Variants in PTK7 observed in about 807,000 individuals in gnomAD.
PTK7 encodes inactive tyrosine-protein kinase 7.
A neutral mutation model predicts 116.6 loss-of-function variants in PTK7; 39 were observed. The ratio of observed to expected loss-of-function variants is 0.33; its 90% CI spans 0.26 to 0.44. The LOEUF (loss-of-function observed/expected upper bound fraction) is 0.44, where lower values mean the gene tolerates loss of function less well. Ranked by LOEUF, PTK7 falls within the 20% of genes least tolerant of loss-of-function variation. The probability of loss-of-function intolerance (pLI) is 1.00; values close to 1 mark genes in which losing one functional copy is unlikely to be tolerated. For missense variants in PTK7, 1,169 were observed against 1,425.6 expected (o/e 0.82, Z 2.90); for synonymous variants, 546 against 563.6 (o/e 0.97, Z 0.44).
intron 10 of PTK7, among the ~76,000 whole-genome samples, chr6:43,140,536 C>T (rs1770337560): frequency 6.6e-6 from 1 of 151,226 alleles, no homozygotes; most frequent in Non-Finnish European, 1.5e-5. Context: ...TTTTTCTGTG[C>T]ATATGTTTTT....
chr6:43,082,163 G>A lies in PTK7; in HGVS notation c.79+5596G>A, dbSNP rs571590487. On this transcript the variant is annotated intron_variant, in intron 1 of 19. Coordinates refer to ENST00000230419, the MANE Select transcript of PTK7 (RefSeq NM_002821.5). ...ATTCCTGGGAGCATGAATCAGAATC[G>A]CAATCTGCAATTTATTTATTTATTC... 5.9e-5 allele frequency among the ~76,000 whole-genome samples: 9 copies of A among 152,106 alleles called. No homozygotes were observed. The South Asian group carries it at 1.5e-3, about 25-fold the overall frequency.
At chr6:43,152,951 A>G (rs937027180) in intron 17 of PTK7, among the ~76,000 whole-genome samples, 2 of 150,546 alleles carry the variant, frequency 1.3e-5, no homozygotes, top group African/African-American at 4.9e-5. Flanking sequence ...ACACCTGGCT[A>G]ATTTTTGTAT....
intron 1 of PTK7, among the ~76,000 whole-genome samples, chr6:43,078,274 T>G (rs765908691): frequency 5.6e-5 from 8 of 143,056 alleles, no homozygotes; most frequent in African/African-American, 7.9e-5. Flanking sequence ...CGCGTGTGTG[T>G]GGGGGATCCT....
chr6:43,123,527 C>T (rs1160719458), intron 1 of PTK7, among the ~76,000 whole-genome samples: 2 of 139,964 alleles, frequency 1.4e-5, no homozygotes, highest in Non-Finnish European at 3.0e-5. Context: ...TACACGCACA[C>T]ATATGCACAC....
At chr6:43,132,289 T>G in intron 6 of PTK7, 125 bp downstream of exon 6, 1 of 1,497,844 alleles carries the variant, frequency 6.7e-7, no homozygotes, top group Non-Finnish European at 9.0e-7. Flanking sequence ...ATGCTGGGAG[T>G]AGGAAGAGGA....
In PTK7 at chr6:43,145,174, C is replaced by G. The variant is rs1167668936; in HGVS notation, c.2408-26C>G. 2.6e-6 allele frequency: 4 copies of G among 1,565,006 alleles called. No individual in the cohort carries two copies. Among genetic ancestry groups the G allele is most frequent in the Non-Finnish European group, 3.5e-6 (4 of 1,151,914 alleles). ...GCTGCCTCGGCCTGGGTGAAGGTGG[C>G]TGGCTGACTCAGACTGTACCCACAG... On this transcript the variant is annotated intron_variant, in intron 15 of 19. Transcript: ENST00000230419. The surrounding 1 kb of genome is among the most constrained non-coding windows in gnomAD (Gnocchi z 4.8).
chr6:43,127,145 G>A (rs770874277), intron 1 of PTK7, among the ~76,000 whole-genome samples: 7 of 152,378 alleles, frequency 4.6e-5, no homozygotes, highest in South Asian at 4.1e-4. Flanking sequence ...AGTTTCCAGT[G>A]GTTTGGGAAG....
chr6:43,112,157 A>G (rs1768227192), intron 1 of PTK7, among the ~76,000 whole-genome samples: 1 of 152,148 alleles, frequency 6.6e-6, no homozygotes, highest in Non-Finnish European at 1.5e-5. Flanking sequence ...AGCACCTTAC[A>G]GTTACATGTT....
chr6:43,146,324 C>T (rs1446158982), intron 16 of PTK7, among the ~76,000 whole-genome samples: 1 of 152,116 alleles, frequency 6.6e-6, no homozygotes, highest in Non-Finnish European at 1.5e-5. Context: ...GACTGTTTTC[C>T]TCTTGGCTCA....
chr6:43,144,106 T>C (rs1334170802), intron 14 of PTK7, among the ~76,000 whole-genome samples: 4 of 152,222 alleles, frequency 2.6e-5, no homozygotes, highest in East Asian at 1.9e-4. Flanking sequence ...TTTCCCTTTG[T>C]GCCTGTTTAG....
chr6:43,117,420 T>A (rs1382504493), intron 1 of PTK7, among the ~76,000 whole-genome samples: 2 of 152,096 alleles, frequency 1.3e-5, no homozygotes, highest in African/African-American at 2.4e-5. Flanking sequence ...CACAATAGAT[T>A]GGTTGTGGAG....
intron 17 of PTK7, among the ~76,000 whole-genome samples, chr6:43,156,867 A>G (rs1771465409): frequency 6.6e-6 from 1 of 152,102 alleles, no homozygotes. Context: ...ACTGCCCTCC[A>G]GCGTGGGTGA....
At position 43,141,901 on chromosome 6, in the gene PTK7, C is replaced by T. The variant is rs745529167; in HGVS notation, c.1769-30C>T. 4 of 1,595,198 alleles carry T rather than the reference C, an allele frequency of 2.5e-6. No homozygotes were observed. Among genetic ancestry groups the T allele is most frequent in the South Asian group, 1.1e-5 (1 of 89,642 alleles). On this transcript the variant is annotated intron_variant, in intron 11 of 19. Coordinates refer to ENST00000230419, the MANE Select transcript of PTK7 (RefSeq NM_002821.5). This position sits in a 1 kb window ranked among gnomAD's most constrained non-coding sequence, Gnocchi z 4.9. ...CTGCCAGCCCCTTGGCTTACCCCTCCCTGCGCCTCGCTGGTCTCTTTTCTT... is the reference window on the plus strand; with the variant it reads ...CTGCCAGCCCCTTGGCTTACCCCTCTCTGCGCCTCGCTGGTCTCTTTTCTT...
At chr6:43,090,254 C>T (rs1766875554) in intron 1 of PTK7, among the ~76,000 whole-genome samples, 1 of 152,236 alleles carries the variant, frequency 6.6e-6, no homozygotes, top group Non-Finnish European at 1.5e-5. Flanking sequence ...GGAGCCTCCT[C>T]AGGGAGCAGG....
intron 1 of PTK7, among the ~76,000 whole-genome samples, chr6:43,083,425 C>G (rs1167592249): frequency 6.6e-6 from 1 of 152,224 alleles, no homozygotes; most frequent in Non-Finnish European, 1.5e-5. Context: ...GGTTAGAGTC[C>G]TATGTTGGAA....
At chr6:43,128,052 CGTT>C (rs1582151465) in intron 1 of PTK7, among the ~76,000 whole-genome samples, 1 of 152,272 alleles carries the variant, frequency 6.6e-6, no homozygotes, top group South Asian at 2.1e-4. Flanking sequence ...GTCTGGGAAA[CGTT>C]GGGCTGCAGA....
chr6:43,093,183 CTTTTTTTTTTT>C (rs72414606), intron 1 of PTK7, among the ~76,000 whole-genome samples: 10 of 84,782 alleles, frequency 1.2e-4, no homozygotes, highest in South Asian at 4.4e-4. Context: ...ATAGGATCTC[CTTTTTTTTTTT>C]TTTTTTTTTT....
intron 7 of PTK7, among the ~76,000 whole-genome samples, chr6:43,135,021 C>T (rs1182306458): frequency 6.6e-6 from 1 of 152,106 alleles, no homozygotes; most frequent in Non-Finnish European, 1.5e-5. Context: ...CCCCACTCCA[C>T]AGCTTCCAAC....
rs2082938623 is a variant in PTK7, at chr6:43,139,586, C to G, written c.1618+61C>G. ...GGCAGTTCACTGATCAGATACATAC[C>G]TGAGGGCTGCTGGGTGCCCCGCACT... On this transcript the variant is annotated intron_variant, in intron 10 of 19. Transcript: ENST00000230419. The surrounding 1 kb of genome is among the most constrained non-coding windows in gnomAD (Gnocchi z 4.6). 1.3e-6 allele frequency: 2 copies of G among 1,599,314 alleles called. No homozygotes were observed. Among genetic ancestry groups the G allele is most frequent in the Non-Finnish European group, 1.7e-6 (2 of 1,173,062 alleles).
Sources: allele counts gnomAD v4.1 joint callset (sites outside exome capture counted in the v4.1 genomes callset), GRCh38; gene constraint gnomAD v4.1.1; non-coding constraint Gnocchi (gnomAD v3.1); transcripts MANE v1.5; gene names NCBI Gene and HGNC (gene_info 2026-07-23, HGNC 2026-07-21).